SEMA6C: variants seen among roughly 807,000 people sequenced by gnomAD.
The protein encoded by SEMA6C is semaphorin-6C.
SEMA6C carries 37 observed loss-of-function variants against 72.9 expected under a neutral mutation model. The observed-to-expected ratio is 0.51, with a 90% confidence interval of 0.39 to 0.67. The LOEUF (loss-of-function observed/expected upper bound fraction) is 0.67, where lower values mean the gene tolerates loss of function less well. SEMA6C is among the 30% of genes least tolerant of loss of function. The probability of loss-of-function intolerance (pLI) is 0.00; values close to 1 mark genes in which losing one functional copy is unlikely to be tolerated. For synonymous variants in SEMA6C, 578 were observed against 554.1 expected (o/e 1.04, Z -0.61); for missense variants, 1,189 against 1,263.6 (o/e 0.94, Z 0.89).
In SEMA6C at chr1:151,138,013, C is replaced by T. The variant is rs756630307; in HGVS notation, c.640G>A (p.Ala214Thr). Reference protein sequence around the residue: ...SLGPQPPLRSAKYDSKWLREP... With the variant: ...SLGPQPPLRSTKYDSKWLREP... ...CGGAGCCACTTGGAGTCATACTTGG[C>T]GGAGCGGAGTGGGGGCTGGGGCCCA... The change falls in exon 9 of 19, where the codon GCC becomes ACC. Residue 214 changes from alanine (A) to threonine (T), a missense_variant. Transcript: ENST00000368914. The T allele has an allele frequency of 5.6e-6, 9 of 1,613,978 alleles. No individual in the cohort carries two copies. The highest frequency in any genetic ancestry group is 5.1e-6 in the Non-Finnish European group (6 of 1,179,980).
chr1:151,137,476 G>A (rs1682142038), intron 10 of SEMA6C, among the ~76,000 whole-genome samples: 1 of 151,498 alleles, frequency 6.6e-6, no homozygotes, highest in African/African-American at 2.4e-5. Context: ...CACCAAGGGA[G>A]CAATGTGAGG....
rs1351803377 is a variant in SEMA6C at position 151,132,731 on chromosome 1, C to T, written c.2546G>A (p.Gly849Asp). The change falls in exon 19 of 19, where the codon GGC (glycine) becomes GAC (aspartate). Residue 849 changes from glycine to aspartate, a missense_variant. Transcript: ENST00000368914. ...GTGGCCGGAGAAAGGCAACCTCCGG[C>T]CTCCGCCGACGCCCAGCCGGGGAGC... Reference protein sequence around the residue: ...APAPRLGVGGGRRLPFSGHRA... With the variant: ...APAPRLGVGGDRRLPFSGHRA... The T allele has an allele frequency of 6.8e-7, 1 of 1,464,424 alleles. No individual in the cohort carries two copies. Among genetic ancestry groups the T allele is most frequent in the South Asian group, 1.4e-5 (1 of 71,612 alleles). 90.7% of individuals were successfully genotyped at this position (1,464,424 alleles called of 1,614,324 possible).
chr1:151,131,852 G>T lies in SEMA6C; in HGVS notation c.*632C>A, dbSNP rs1681558202. The stretch of plus-strand genomic sequence containing the variant: ...CCCCAGCCTCAACTAAACTTTACCG[G>T]GGTCCCCCTGGCCCTGGCTCACCTC... On this transcript the variant is annotated 3_prime_UTR_variant, in exon 19 of 19. Coordinates refer to ENST00000368914, the MANE Select transcript of SEMA6C (RefSeq NM_030913.6). The T allele has an allele frequency of 5.9e-6, 1 of 170,680 alleles. No homozygotes were observed. The highest frequency in any genetic ancestry group is 2.4e-5 in the African/African-American group (1 of 41,488). The allele number at this position is 170,680 out of a possible 1,614,324, so 10.6% of individuals were successfully genotyped here. A position where few individuals can be genotyped will look rare whatever the true frequency, so the allele number is the denominator to read the frequency against.
chr1:151,139,859 C>T (rs1682385181), intron 4 of SEMA6C, 117 bp downstream of exon 4: 1 of 1,230,316 alleles, frequency 8.1e-7, no homozygotes. Context: ...CATGTCCACA[C>T]CCCGTGGCTT....
chr1:151,139,192 GCTGGCCCT>G lies in SEMA6C; in HGVS notation c.354+225_354+232del, dbSNP rs1682318203. The stretch of plus-strand genomic sequence containing the variant: ...AGATAAAGTCCCAAATAAGCTGTTT[GCTGGCCCT>G]CTGGCCTTCTGCAAATCCTTTGGCC... On this transcript the variant is annotated intron_variant, in intron 6 of 18. Transcript: ENST00000368914. Among the ~76,000 whole-genome samples the G allele has an allele frequency of 2.0e-5, 3 of 152,132 alleles. No homozygotes were observed. In the South Asian group the frequency reaches 6.2e-4, roughly 31 times the overall value.
Position 151,142,590 on chromosome 1 carries a change from A to G in SEMA6C, c.32T>C (p.Leu11Pro). 6.2e-6 allele frequency: 10 copies of G among 1,603,860 alleles called. No homozygotes were observed. Among genetic ancestry groups the G allele is most frequent in the Non-Finnish European group, 8.5e-6 (10 of 1,174,802 alleles). The change falls in exon 3 of 19, where the codon CTG (leucine) becomes CCG (proline). Residue 11 changes from leucine (L) to proline (P), a missense_variant. Leu to Pro is a moderately conservative substitution (Grantham distance 98). Coordinates refer to ENST00000368914, the MANE Select transcript of SEMA6C (RefSeq NM_030913.6). Reference sequence around the variant, plus strand: ...AAGTGAGAGCAGCAGCAGCAGTAGCAGCAAGGGCATGAAGTGGGGGGCACG... The same window carrying G: ...AAGTGAGAGCAGCAGCAGCAGTAGCGGCAAGGGCATGAAGTGGGGGGCACG... The part of the protein sequence containing the change: MPRAPHFMPL[L>P]LLLLLLSLPH...
Position 151,132,920 on chromosome 1 carries a change from G to T in SEMA6C, c.2357C>A (p.Pro786His). The change falls in exon 19 of 19, where the codon CCC (proline) becomes CAC (histidine). Residue 786 changes from proline (P) to histidine (H), a missense_variant. Physicochemically the swap from Pro to His is moderately conservative, Grantham distance 77 (BLOSUM62 -2). Transcript: ENST00000368914. ...CGCCCGCGAGGTTAAAGGGGCGGGG[G>T]GCTCGGCCCCCTTTCTGGGCGGCTG... Reference protein sequence around the residue: ...GPQPPRKGAEPPAPLTSRALP... With the variant: ...GPQPPRKGAEHPAPLTSRALP... 7.2e-7 allele frequency: 1 copy of T among 1,387,450 alleles called. No homozygotes were observed. The highest frequency in any genetic ancestry group is 9.3e-7 in the Non-Finnish European group (1 of 1,070,408). 85.9% of individuals were successfully genotyped at this position (1,387,450 alleles called of 1,614,324 possible).
rs774699207 is a variant in SEMA6C, at chr1:151,144,034, GA to G, written c.-55+350del. Among the ~76,000 whole-genome samples the G allele has an allele frequency of 1.4e-4, 21 of 152,190 alleles. 1 individual carries two copies. In the East Asian group the frequency reaches 2.1e-3, roughly 15 times the overall value. On this transcript the variant is annotated intron_variant, in intron 2 of 18. Coordinates refer to ENST00000368914, the MANE Select transcript of SEMA6C (RefSeq NM_030913.6). ...CAGGTGGGGCCTCAAGAGAGCTGAA[GA>G]AAGGAAAAGAGTAGGAACACCTAAT... is the stretch of plus-strand genomic sequence containing the variant.
At position 151,132,094 on chromosome 1, in the gene SEMA6C, CAGT is replaced by C; in HGVS notation, c.*387_*389del. On this transcript the variant is annotated 3_prime_UTR_variant, in exon 19 of 19. Coordinates refer to ENST00000368914, the MANE Select transcript of SEMA6C (RefSeq NM_030913.6). ...GTATTGGGAAGCGGAGGCTCCTACA[CAGT>C]AGGAGAGGCACGTCCCAGACCCAGA... 1 of 751,228 alleles carries C rather than the reference CAGT, an allele frequency of 1.3e-6. No homozygotes were observed. The highest frequency in any genetic ancestry group is 1.9e-6 in the Non-Finnish European group (1 of 534,068). 46.5% of individuals were successfully genotyped at this position (751,228 alleles called of 1,614,324 possible). A position where few individuals can be genotyped will look rare whatever the true frequency, so the allele number is the denominator to read the frequency against.
Position 151,131,954 on chromosome 1 carries a change from C to G in SEMA6C, c.*530G>C, listed in dbSNP as rs143102635. The G allele has an allele frequency of 1.1e-3, 272 of 244,160 alleles. No individual in the cohort carries two copies. Among genetic ancestry groups the G allele is most frequent in the African/African-American group, 6.2e-3 (263 of 42,490 alleles). 15.1% of individuals were successfully genotyped at this position (244,160 alleles called of 1,614,324 possible). On this transcript the variant is annotated 3_prime_UTR_variant, in exon 19 of 19. Transcript: ENST00000368914. ...CGGCGGGACCGCAGCCATCCCATTACCCGGGAGAGCCCAGGGCCCAGATGA... is the reference window on the plus strand; with the variant it reads ...CGGCGGGACCGCAGCCATCCCATTAGCCGGGAGAGCCCAGGGCCCAGATGA...
chr1:151,135,457 G>C, intron 14 of SEMA6C, 134 bp downstream of exon 14: 1 of 1,443,852 alleles, frequency 6.9e-7, no homozygotes, highest in Middle Eastern at 2.0e-4. Context: ...CAGTCTTCTC[G>C]CCAAGCCTGT....
Position 151,133,484 on chromosome 1 carries a change from G to A in SEMA6C, c.1793C>T (p.Ser598Phe), listed in dbSNP as rs1681752192. 6.5e-7 allele frequency: 1 copy of A among 1,536,058 alleles called. No individual in the cohort carries two copies. The highest frequency in any genetic ancestry group is 1.4e-5 in the African/African-American group (1 of 72,992). Residue 598 changes from serine to phenylalanine, a missense_variant, in exon 19 of 19, where the codon TCC becomes TTC. By Grantham distance (155) the Ser-to-Phe change is radical (BLOSUM62 -2). Around this residue, in one of 2 missense-constraint regions of SEMA6C, gnomAD observed 721 missense variants for 686.2 expected, o/e 1.05. Transcript: ENST00000368914. This position sits in a 1 kb window ranked among gnomAD's most constrained non-coding sequence, Gnocchi z 5.9. ...VRRDLPPASA[S>F]RSVPIPLLLA... ...GAGGAGTGGGATGGGGACGGAGCGG[G>A]AGGCCGAGGCTGGGGGCAGGTCCCG...
intron 18 of SEMA6C, 132 bp downstream of exon 18, chr1:151,134,269 G>A (rs1681827258): frequency 1.1e-6 from 1 of 901,584 alleles, no homozygotes; most frequent in Non-Finnish European, 1.8e-6. Flanking sequence ...TACATGCTGG[G>A]TATCTGGAGG....
chr1:151,133,624 G>T lies in SEMA6C; in HGVS notation c.1760-107C>A. ...CAGGCCTGACATCATCGTCCCTCCC[G>T]CTGCTACTCAGCCTCACTCCTACAG... is the stretch of plus-strand genomic sequence containing the variant. On this transcript the variant is annotated intron_variant, in intron 18 of 18. Transcript: ENST00000368914. This position sits in a 1 kb window ranked among gnomAD's most constrained non-coding sequence, Gnocchi z 5.9. The T allele has an allele frequency of 1.4e-6, 2 of 1,426,776 alleles. No homozygotes were observed. The highest frequency in any genetic ancestry group is 3.0e-5 in the South Asian group (2 of 66,860). The allele number at this position is 1,426,776 out of a possible 1,614,324, so 88.4% of individuals were successfully genotyped here. A position where few individuals can be genotyped will look rare whatever the true frequency, so the allele number is the denominator to read the frequency against.
chr1:151,139,341 T>C (rs890380499), intron 6 of SEMA6C, 84 bp downstream of exon 6: 10 of 1,115,710 alleles, frequency 9.0e-6, no homozygotes, highest in Admixed American at 1.7e-5. Flanking sequence ...TGAAGGAAAT[T>C]GGGCATAGTA....
rs1572015673 is a variant in SEMA6C at position 151,132,402 on chromosome 1, G to A, written c.*82C>T. 6.6e-7 allele frequency: 1 copy of A among 1,522,438 alleles called. No homozygotes were observed. The highest frequency in any genetic ancestry group is 2.5e-5 in the East Asian group (1 of 40,600). 94.3% of individuals were successfully genotyped at this position (1,522,438 alleles called of 1,614,324 possible). A position where few individuals can be genotyped will look rare whatever the true frequency, so the allele number is the denominator to read the frequency against. ...GGCTGGAGGTGCGGGGCGAGGGGGC[G>A]GTGAAACGTCCTGAAGAGCGTCCAG... On this transcript the variant is annotated 3_prime_UTR_variant, in exon 19 of 19. Coordinates refer to ENST00000368914, the MANE Select transcript of SEMA6C (RefSeq NM_030913.6).
rs587645761 is a variant in SEMA6C at position 151,134,131 on chromosome 1, C to T, written c.1759+270G>A. ...TGACACCCTTCCAGGGGTCCTTCCT[C>T]CCTCCTGTGGAACCCAGGAGTCCAG... On this transcript the variant is annotated intron_variant, in intron 18 of 18. Coordinates refer to ENST00000368914, the MANE Select transcript of SEMA6C (RefSeq NM_030913.6). 45 of 1,125,406 alleles carry T rather than the reference C, an allele frequency of 4.0e-5. 1 individual carries two copies. The South Asian group carries it at 7.3e-4, about 18-fold the overall frequency. 69.7% of individuals were successfully genotyped at this position (1,125,406 alleles called of 1,614,324 possible).
intron 15 of SEMA6C, 83 bp downstream of exon 15, chr1:151,135,080 G>A: frequency 6.4e-7 from 1 of 1,564,358 alleles, no homozygotes; most frequent in Non-Finnish European, 8.7e-7. Context: ...GTGTTTTCCT[G>A]CCACCCCAAA....
Position 151,145,167 on chromosome 1 carries a change from G to C in SEMA6C, c.-104-733C>G, listed in dbSNP as rs1201729617. On this transcript the variant is annotated intron_variant, in intron 1 of 18. Transcript: ENST00000368914. This position sits in a 1 kb window ranked among gnomAD's most constrained non-coding sequence, Gnocchi z 4.4. ...ATCTGAAGCACATGGGAGAGACCTG[G>C]CCGACTCTCCCCTTTCCAGATCCTC... is the stretch of plus-strand genomic sequence containing the variant. The C allele has an allele frequency of 6.6e-6, 1 of 152,264 alleles. No homozygotes were observed. Among genetic ancestry groups the C allele is most frequent in the African/African-American group, 2.4e-5 (1 of 41,442 alleles). The allele number at this position is 152,264 out of a possible 1,614,324, so 9.4% of individuals were successfully genotyped here. A position where few individuals can be genotyped will look rare whatever the true frequency, so the allele number is the denominator to read the frequency against.
Sources: allele counts gnomAD v4.1 joint callset (sites outside exome capture counted in the v4.1 genomes callset), GRCh38; gene constraint gnomAD v4.1.1; regional missense constraint gnomAD v4.1.1; non-coding constraint Gnocchi (gnomAD v3.1); transcripts MANE v1.5; gene names NCBI Gene and HGNC (gene_info 2026-07-23, HGNC 2026-07-21).